Variants in COL21A1 observed in about 807,000 individuals in gnomAD.
COL21A1 encodes collagen type XXI alpha 1 chain, also known as collagen alpha-1(XXI) chain.
Under a neutral mutation model 137.9 loss-of-function variants are expected in COL21A1, and 149 were observed. The ratio of observed to expected loss-of-function variants is 1.08; its 90% CI spans 0.95 to 1.24. COL21A1 has a LOEUF of 1.24. Ranked by LOEUF, COL21A1 falls within the 50% of genes most tolerant of loss-of-function variation. The pLI is 0.00. For missense variants in COL21A1, 1,167 were observed against 1,158.4 expected, an observed-to-expected ratio of 1.01 and a Z score of -0.11; for synonymous variants, 456 against 391.5, an observed-to-expected ratio of 1.16 and a Z score of -1.95.
At chr6:56,107,101 G>C (rs1251667692) in intron 16 of COL21A1, among the ~76,000 whole-genome samples, 1 of 152,012 alleles carries the variant, frequency 6.6e-6, no homozygotes, top group Admixed American at 6.5e-5. Flanking sequence ...ATTTTTATTA[G>C]TTAAAAAATT....
intron 18 of COL21A1, among the ~76,000 whole-genome samples, chr6:56,077,216 A>G (rs1364598219): frequency 6.6e-6 from 1 of 151,476 alleles, no homozygotes; most frequent in Admixed American, 6.6e-5. Context: ...TGTACTAAAA[A>G]GACATTCAAA....
chr6:56,356,569 G>A (rs192088616), intron 1 of COL21A1, among the ~76,000 whole-genome samples: 38 of 152,276 alleles, frequency 2.5e-4, no homozygotes, highest in Non-Finnish European at 4.9e-4. Context: ...TCTCATAAAA[G>A]GTATCCTTTG....
At position 56,097,894 on chromosome 6, in the gene COL21A1, A is replaced by AAT. The variant is rs1350404662; in HGVS notation, c.1812+3576_1812+3577dup. Among the ~76,000 whole-genome samples the AAT allele has an allele frequency of 4.5e-4, 40 of 88,834 alleles. 1 individual carries two copies. The highest frequency in any genetic ancestry group is 5.3e-4 in the Non-Finnish European group (25 of 47,136). 58.3% of individuals were successfully genotyped at this position (88,834 alleles called of 152,430 possible). Reference sequence around the variant, plus strand: ...ATCTATAAATATATAAATATATATAAATATATAAATATATAAATATATATA... The same window carrying AAT: ...ATCTATAAATATATAAATATATATAAATATATATAAATATATAAATATATATA... On this transcript the variant is annotated intron_variant, in intron 17 of 29. Transcript: ENST00000244728.
At chr6:56,098,708 A>ATAAAT (rs1770113758) in intron 17 of COL21A1, among the ~76,000 whole-genome samples, 1 of 80,662 alleles carries the variant, frequency 1.2e-5, no homozygotes, top group African/African-American at 4.9e-5. Flanking sequence ...TATATATATA[A>ATAAAT]ATATATATAA....
chr6:56,069,833 TA>T, intron 21 of COL21A1, among the ~76,000 whole-genome samples: 1 of 151,280 alleles, frequency 6.6e-6, no homozygotes, highest in Middle Eastern at 3.6e-3. Context: ...TTTGTTTTTA[TA>T]AAAAATATTG....
intron 23 of COL21A1, among the ~76,000 whole-genome samples, chr6:56,066,697 T>C (rs995831399): frequency 6.6e-6 from 1 of 151,912 alleles, no homozygotes; most frequent in African/African-American, 2.4e-5. Flanking sequence ...AAAAAACCCA[T>C]TCCATAGACA....
intron 16 of COL21A1, among the ~76,000 whole-genome samples, chr6:56,111,305 G>C (rs1242578983): frequency 6.6e-6 from 1 of 152,126 alleles, no homozygotes; most frequent in African/African-American, 2.4e-5. Context: ...TCACAGATCA[G>C]TGGGAAATAG....
At chr6:56,322,901 A>C (rs918093830) in intron 1 of COL21A1, among the ~76,000 whole-genome samples, 1 of 144,256 alleles carries the variant, frequency 6.9e-6, no homozygotes, top group Non-Finnish European at 1.5e-5. Flanking sequence ...AAAAAAAAAA[A>C]GTCAAGTCAT....
intron 1 of COL21A1, among the ~76,000 whole-genome samples, chr6:56,284,791 G>T (rs1047872441): frequency 6.6e-6 from 1 of 152,074 alleles, no homozygotes; most frequent in South Asian, 2.1e-4. Context: ...GCTATGATTA[G>T]TTCACCCTAC....
intron 1 of COL21A1, among the ~76,000 whole-genome samples, chr6:56,252,761 A>C (rs1582733755): frequency 6.6e-6 from 1 of 152,286 alleles, no homozygotes; most frequent in South Asian, 2.1e-4. Context: ...TGGGGAAGAA[A>C]ATATCCTCAA....
intron 1 of COL21A1, among the ~76,000 whole-genome samples, chr6:56,229,886 C>G (rs77218390): frequency 6.6e-6 from 1 of 151,836 alleles, no homozygotes; most frequent in Non-Finnish European, 1.5e-5. Flanking sequence ...ACCACCACCA[C>G]CAGCAGCAAC....
Position 56,197,320 on chromosome 6 carries a change from C to T in COL21A1, c.-38-14664G>A, listed in dbSNP as rs182919713. ...CTCGGCAATGACTTTTTGTATTTGA[C>T]AACAAAAGCACAGACAACAAAGATA... On this transcript the variant is annotated intron_variant, in intron 1 of 29. Transcript: ENST00000244728. Among the ~76,000 whole-genome samples, 529 of 151,926 alleles carry T rather than the reference C, an allele frequency of 3.5e-3. 5 individuals carry two copies. Among genetic ancestry groups the T allele is most frequent in the African/African-American group, 0.012 (503 of 41,462 alleles).
intron 17 of COL21A1, among the ~76,000 whole-genome samples, chr6:56,086,234 G>C (rs73745556): frequency 0.022 from 3,267 of 151,892 alleles, 122 homozygotes; most frequent in African/African-American, 0.075. Context: ...ATCTTTAATG[G>C]ATTTTAGGAG....
intron 1 of COL21A1, among the ~76,000 whole-genome samples, chr6:56,335,785 T>C (rs1040568155): frequency 2.0e-5 from 3 of 152,228 alleles, no homozygotes; most frequent in African/African-American, 7.2e-5. Flanking sequence ...TTCCCACAAC[T>C]GTATGGAGAA....
intron 12 of COL21A1, among the ~76,000 whole-genome samples, chr6:56,141,433 G>A (rs192705529): frequency 2.6e-5 from 4 of 152,272 alleles, no homozygotes; most frequent in Admixed American, 1.3e-4. Context: ...ACCAATTGTG[G>A]AGATGGTCCC....
Position 56,129,675 on chromosome 6 carries a change from C to CGTGTGTGTGTGTGT in COL21A1, c.1543-3540_1543-3527dup, listed in dbSNP as rs78820557. On this transcript the variant is annotated intron_variant, in intron 12 of 29. Coordinates refer to ENST00000244728, the MANE Select transcript of COL21A1 (RefSeq NM_030820.4). ...TGTTGCTTCCTCTGTCACGTGCGTG[C>CGTGTGTGTGTGTGT]GTGTGTGTGTGTGTGTGTGTGTGTG... Among the ~76,000 whole-genome samples the CGTGTGTGTGTGTGT allele has an allele frequency of 8.5e-3, 1,159 of 136,444 alleles. 15 individuals are homozygous for CGTGTGTGTGTGTGT. The highest frequency in any genetic ancestry group is 0.027 in the African/African-American group (923 of 34,712). 89.5% of individuals were successfully genotyped at this position (136,444 alleles called of 152,430 possible). A position where few individuals can be genotyped will look rare whatever the true frequency, so the allele number is the denominator to read the frequency against.
intron 27 of COL21A1, chr6:56,060,473 C>A: frequency 2.1e-6 from 1 of 487,058 alleles, no homozygotes; most frequent in Non-Finnish European, 3.5e-6. Context: ...GGACTATATT[C>A]ATATTTATGA....
chr6:56,325,643 A>ATATTAT (rs1554183093), intron 1 of COL21A1, among the ~76,000 whole-genome samples: 125 of 240 alleles, frequency 0.52, 50 homozygotes, highest in Non-Finnish European at 0.61. Flanking sequence ...TATAATATAT[A>ATATTAT]ATATAATATA....
chr6:56,353,605 G>A (rs923377953), intron 1 of COL21A1, among the ~76,000 whole-genome samples: 1 of 152,176 alleles, frequency 6.6e-6, no homozygotes, highest in Non-Finnish European at 1.5e-5. Context: ...CACTAAGCCT[G>A]GAGTGGTTTA....
Sources: gnomAD v4.1 joint callset for allele counts (sites outside exome capture counted in the v4.1 genomes callset) on GRCh38, gnomAD v4.1.1 for gene constraint, MANE v1.5 for transcripts, NCBI Gene and HGNC (gene_info 2026-07-23, HGNC 2026-07-21) for gene names.